Variants in KIF13A observed in about 807,000 individuals in gnomAD.
KIF13A encodes the protein kinesin-like protein KIF13A.
KIF13A carries 79 observed loss-of-function variants against 212.2 expected under a neutral mutation model. The ratio of observed to expected loss-of-function variants is 0.37; its 90% confidence interval spans 0.31 to 0.45. The LOEUF (loss-of-function observed/expected upper bound fraction) is 0.45. Among genes scored for constraint, KIF13A ranks in the 20% least tolerant of loss-of-function variants. The pLI is 1.00. For missense variants in KIF13A, 1,901 were observed against 2,209.0 expected, an observed-to-expected ratio of 0.86 and a Z score of 2.79; for synonymous variants, 789 against 808.6, an observed-to-expected ratio of 0.98 and a Z score of 0.41.
intron 31 of KIF13A, 65 bp downstream of exon 31, chr6:17,780,665 G>A: frequency 6.8e-7 from 1 of 1,478,462 alleles, no homozygotes; most frequent in Non-Finnish European, 9.3e-7. Context: ...ACTGCTTTGT[G>A]ATAGAGAGAG....
rs1767471420 is a variant in KIF13A at position 17,849,987 on chromosome 6, T to C, written c.717+336A>G. Reference sequence around the variant, plus strand: ...TAGGGACTTTGCACAAGAAATACAATTATTTTTCTTTTTTGTTTTTGTAGA... The same window carrying C: ...TAGGGACTTTGCACAAGAAATACAACTATTTTTCTTTTTTGTTTTTGTAGA... On this transcript the variant is annotated intron_variant, in intron 8 of 38. Transcript: ENST00000259711. This position sits in a 1 kb window ranked among gnomAD's most constrained non-coding sequence, Gnocchi z 5.7. Among the ~76,000 whole-genome samples the C allele has an allele frequency of 6.6e-6, 1 of 152,204 alleles. No individual in the cohort carries two copies. The highest frequency in any genetic ancestry group is 2.1e-4 in the South Asian group (1 of 4,834).
At chr6:17,891,788 G>A (rs1479421879) in intron 3 of KIF13A, among the ~76,000 whole-genome samples, 1 of 151,978 alleles carries the variant, frequency 6.6e-6, no homozygotes, top group Non-Finnish European at 1.5e-5. Flanking sequence ...CACCCAATTT[G>A]GGGAGAACAA....
intron 2 of KIF13A, among the ~76,000 whole-genome samples, chr6:17,909,562 G>T (rs1773847170): frequency 6.6e-6 from 1 of 151,450 alleles, no homozygotes. Context: ...AAAAAAAAAG[G>T]TTTTAAAGAA....
chr6:17,808,114 C>T (rs947453061), intron 18 of KIF13A, among the ~76,000 whole-genome samples: 1 of 152,198 alleles, frequency 6.6e-6, no homozygotes, highest in Non-Finnish European at 1.5e-5. Flanking sequence ...AGGCTGGGCA[C>T]AGTGGCTCAC....
At chr6:17,941,651 C>T (rs958815747) in intron 2 of KIF13A, among the ~76,000 whole-genome samples, 1 of 151,942 alleles carries the variant, frequency 6.6e-6, no homozygotes, top group Non-Finnish European at 1.5e-5. Flanking sequence ...GGAAACCAAA[C>T]CTGCCCACAC....
chr6:17,769,963 A>G lies in KIF13A; in HGVS notation c.4581+1151T>C, dbSNP rs568494930. Among the ~76,000 whole-genome samples, 2 of 152,280 alleles carry G rather than the reference A, an allele frequency of 1.3e-5. No homozygotes were observed. The highest frequency in any genetic ancestry group is 4.1e-4 in the South Asian group (2 of 4,822). On this transcript the variant is annotated intron_variant, in intron 38 of 38. Coordinates refer to ENST00000259711, the MANE Select transcript of KIF13A (RefSeq NM_022113.6). This position sits in a 1 kb window ranked among gnomAD's most constrained non-coding sequence, Gnocchi z 5.8. ...CCAAAGGCAGAGGAGGGGAAGAGGGATGAAGAAATAGAGGGAAAATGGTGC... is the reference window on the plus strand; with the variant it reads ...CCAAAGGCAGAGGAGGGGAAGAGGGGTGAAGAAATAGAGGGAAAATGGTGC...
At chr6:17,805,686 C>A in intron 18 of KIF13A, 71 bp from the exon 19 acceptor site, 3 of 1,360,562 alleles carry the variant, frequency 2.2e-6, no homozygotes, top group Non-Finnish European at 2.0e-6. Context: ...AATATATATA[C>A]AACAGTAACA....
chr6:17,967,289 C>G lies in KIF13A; in HGVS notation c.146+19765G>C, dbSNP rs1352130906. On this transcript the variant is annotated intron_variant, in intron 2 of 38. Coordinates refer to ENST00000259711, the MANE Select transcript of KIF13A (RefSeq NM_022113.6). This position sits in a 1 kb window ranked among gnomAD's most constrained non-coding sequence, Gnocchi z 4.1. Reference sequence around the variant, plus strand: ...ATCTTAAAAACTCAGTAGTTATTCACTCAGTGGTATAAACTACCAAGCACA... The same window carrying G: ...ATCTTAAAAACTCAGTAGTTATTCAGTCAGTGGTATAAACTACCAAGCACA... Among the ~76,000 whole-genome samples the G allele has an allele frequency of 6.6e-6, 1 of 152,162 alleles. No homozygotes were observed. Among genetic ancestry groups the G allele is most frequent in the African/African-American group, 2.4e-5 (1 of 41,426 alleles).
At chr6:17,759,390 C>G (rs1016766337), downstream of KIF13A, 1 of 152,108 alleles carries the variant, frequency 6.6e-6, no homozygotes, top group Non-Finnish European at 1.5e-5. Flanking sequence ...TAAAATACTA[C>G]AGTCAGCTCA....
rs1231894938 is a variant in KIF13A, at chr6:17,872,884, C to T, written c.220+493G>A. 1.3e-5 allele frequency among the ~76,000 whole-genome samples: 2 copies of T among 152,180 alleles called. No homozygotes were observed. Among genetic ancestry groups the T allele is most frequent in the Non-Finnish European group, 2.9e-5 (2 of 68,030 alleles). On this transcript the variant is annotated intron_variant, in intron 4 of 38. Coordinates refer to ENST00000259711, the MANE Select transcript of KIF13A (RefSeq NM_022113.6). This position sits in a 1 kb window ranked among gnomAD's most constrained non-coding sequence, Gnocchi z 4.7. ...CTCCTGACCTCAAGTGATCCGCCCA[C>T]CTCGGCCTCCCAAAGTGCTGGGATT...
At chr6:17,859,468 AC>A (rs768931826) in intron 4 of KIF13A, among the ~76,000 whole-genome samples, 5 of 150,890 alleles carry the variant, frequency 3.3e-5, no homozygotes, top group Non-Finnish European at 1.5e-5. Context: ...AACCAAAAAA[AC>A]AAGAGTAAAT....
In KIF13A at chr6:17,898,075, A is replaced by G; in HGVS notation, c.159+93T>C. ...ATTAGGATGCTGTTTTCAGTTCTCA[A>G]TGAGACAGATGTTCTACATGGGTTA... On this transcript the variant is annotated intron_variant, in intron 3 of 38. Coordinates refer to ENST00000259711, the MANE Select transcript of KIF13A (RefSeq NM_022113.6). The surrounding 1 kb of genome is among the most constrained non-coding windows in gnomAD (Gnocchi z 5.2). 4 of 1,186,764 alleles carry G rather than the reference A, an allele frequency of 3.4e-6. No homozygotes were observed. Among genetic ancestry groups the G allele is most frequent in the Non-Finnish European group, 4.9e-6 (4 of 818,500 alleles). The allele number at this position is 1,186,764 out of a possible 1,614,324, so 73.5% of individuals were successfully genotyped here.
intron 2 of KIF13A, among the ~76,000 whole-genome samples, chr6:17,933,496 G>A (rs959455993): frequency 1.4e-5 from 2 of 145,918 alleles, no homozygotes; most frequent in Non-Finnish European, 3.0e-5. Context: ...CTTCTGCCTT[G>A]GCCTCCCAAA....
intron 3 of KIF13A, among the ~76,000 whole-genome samples, chr6:17,893,832 C>CTTTTTTTTTTTTTTTTTTTTT (rs139288852): frequency 2.6e-5 from 2 of 77,328 alleles, no homozygotes; most frequent in Non-Finnish European, 5.1e-5. Context: ...TTTCCTGCAT[C>CTTTTTTTTTTTTTTTTTTTTT]TTTTTTTTTT....
Position 17,764,689 on chromosome 6 carries a change from C to G in KIF13A, c.4839G>C (p.Val1613=), listed in dbSNP as rs775736329. 1.3e-5 allele frequency: 21 copies of G among 1,613,466 alleles called. No homozygotes were observed. In the African/African-American group the frequency reaches 2.1e-4, roughly 16 times the overall value. The part of the protein sequence containing the change: ...SASNATLSDM[V]VPSSDSSDQL... ...GGTCTGAGCTGTCACTAGAAGGGAC[C>G]ACCATGTCAGACAGGGTGGCATTGG... The change falls in exon 39 of 39, where the codon GTG becomes GTC. Residue 1613 remains valine, a synonymous_variant. Transcript: ENST00000259711. The surrounding 1 kb of genome is among the most constrained non-coding windows in gnomAD (Gnocchi z 5.1).
At chr6:17,942,728 A>G (rs568047221) in intron 2 of KIF13A, among the ~76,000 whole-genome samples, 4 of 152,308 alleles carry the variant, frequency 2.6e-5, no homozygotes, top group African/African-American at 9.6e-5. Context: ...CTGTAATCTC[A>G]GCACTTTACG....
intron 2 of KIF13A, among the ~76,000 whole-genome samples, chr6:17,962,713 CCAGA>C (rs1388571504): frequency 1.3e-5 from 2 of 152,134 alleles, no homozygotes; most frequent in African/African-American, 4.8e-5. Flanking sequence ...TCTACTCTGG[CCAGA>C]CAAATTCCTG....
At position 17,934,656 on chromosome 6, in the gene KIF13A, C is replaced by T. The variant is rs1428311365; in HGVS notation, c.147-36476G>A. Among the ~76,000 whole-genome samples the T allele has an allele frequency of 6.6e-6, 1 of 151,858 alleles. No individual in the cohort carries two copies. The highest frequency in any genetic ancestry group is 1.5e-5 in the Non-Finnish European group (1 of 67,958). On this transcript the variant is annotated intron_variant, in intron 2 of 38. Transcript: ENST00000259711. This position sits in a 1 kb window ranked among gnomAD's most constrained non-coding sequence, Gnocchi z 5.4. Reference sequence around the variant, plus strand: ...ATTAAAAATTAGCAGGGCATGGTGGCACATCCCTGTGGTCTCACCTACTTG... The same window carrying T: ...ATTAAAAATTAGCAGGGCATGGTGGTACATCCCTGTGGTCTCACCTACTTG...
At chr6:17,761,159 C>T (rs895440116), downstream of KIF13A, among the ~76,000 whole-genome samples, 1 of 152,144 alleles carries the variant, frequency 6.6e-6, no homozygotes, top group African/African-American at 2.4e-5. Flanking sequence ...GGGGTTTGAA[C>T]AAAGTCAAAC....
Sources: allele counts gnomAD v4.1 joint callset (sites outside exome capture counted in the v4.1 genomes callset), GRCh38; gene constraint gnomAD v4.1.1; non-coding constraint Gnocchi (gnomAD v3.1); transcripts MANE v1.5; gene names NCBI Gene and HGNC (gene_info 2026-07-23, HGNC 2026-07-21).